INO80D: variants seen among roughly 807,000 people sequenced by gnomAD.
The protein encoded by INO80D is INO80 complex subunit D.
Under a neutral mutation model 87.6 loss-of-function variants are expected in INO80D, and 21 were observed. The observed-to-expected ratio is 0.24, with a 90% CI of 0.17 to 0.35. INO80D has a LOEUF of 0.35. INO80D is among the 10% of genes least tolerant of loss of function. The probability of loss-of-function intolerance (pLI) is 1.00; values close to 1 mark genes in which losing one functional copy is unlikely to be tolerated. For synonymous variants in INO80D, 440 were observed against 491.0 expected (o/e 0.90, Z 1.37); for missense variants, 982 against 1,280.7 (o/e 0.77, Z 3.56).
In INO80D at chr2:206,001,006, T is replaced by C. The variant is rs1160088221; in HGVS notation, c.*3362A>G. The C allele has an allele frequency of 6.6e-6, 1 of 152,206 alleles. No individual in the cohort carries two copies. Among genetic ancestry groups the C allele is most frequent in the African/African-American group, 2.4e-5 (1 of 41,452 alleles). 9.4% of individuals were successfully genotyped at this position (152,206 alleles called of 1,614,324 possible). A position where few individuals can be genotyped will look rare whatever the true frequency, so the allele number is the denominator to read the frequency against. ...CACCAGAGAAAATAATCCTTTGCTG[T>C]CTAAGCTATGTGACGATAATTAGAA... On this transcript the variant is annotated 3_prime_UTR_variant, in exon 11 of 11. Coordinates refer to ENST00000403263, the MANE Select transcript of INO80D (RefSeq NM_017759.5).
At chr2:206,021,412 A>C (rs1301246822) in intron 6 of INO80D, among the ~76,000 whole-genome samples, 1 of 152,252 alleles carries the variant, frequency 6.6e-6, no homozygotes, top group Non-Finnish European at 1.5e-5. Flanking sequence ...GATTATAAGA[A>C]TAGGGAAGTG....
At chr2:206,041,331 T>C (rs1308074774) in intron 5 of INO80D, among the ~76,000 whole-genome samples, 1 of 152,174 alleles carries the variant, frequency 6.6e-6, no homozygotes, top group Non-Finnish European at 1.5e-5. Flanking sequence ...TCACTTTAAA[T>C]ATAAAGATGC....
chr2:206,025,542 A>AAAAAAAAAAAAAATATAT (rs71301548), intron 6 of INO80D: 3 of 76,932 alleles, frequency 3.9e-5, no homozygotes, highest in African/African-American at 1.3e-4. Flanking sequence ...AAAAAAAAAA[A>AAAAAAAAAAAAAATATAT]ATATATATAT....
chr2:206,075,618 G>A (rs150920006), intron 1 of INO80D, among the ~76,000 whole-genome samples: 109 of 151,692 alleles, frequency 7.2e-4, no homozygotes, highest in African/African-American at 2.6e-3. Context: ...TGTATTTTTA[G>A]TAGACACGAG....
rs773197880 is a variant in INO80D at position 206,004,848 on chromosome 2, C to T, written c.2604G>A (p.Ala868=). Residue 868 remains alanine, a synonymous_variant, in exon 11 of 11, where the codon GCG becomes GCA. Transcript: ENST00000403263. This position sits in a 1 kb window ranked among gnomAD's most constrained non-coding sequence, Gnocchi z 4.9. ...CAAGTTGGGTTGGGAGCAAGTGCTG[C>T]GCCATGATGGGCATCTCTGCTGAAA... ...ATFSAEMPIM[A]QHLLPTQLEV... 119 of 1,613,982 alleles carry T rather than the reference C, an allele frequency of 7.4e-5. No individual in the cohort carries two copies. Among genetic ancestry groups the T allele is most frequent in the Middle Eastern group, 3.3e-4 (2 of 6,062 alleles).
rs2105787391 is a variant in INO80D at position 206,000,871 on chromosome 2, GATTAA to G, written c.*3492_*3496del. 6.6e-6 allele frequency: 1 copy of G among 152,272 alleles called. No individual in the cohort carries two copies. The highest frequency in any genetic ancestry group is 1.9e-4 in the East Asian group (1 of 5,184). The allele number at this position is 152,272 out of a possible 1,614,324, so 9.4% of individuals were successfully genotyped here. ...CTCCCCATGCCTACTATTTGTTTCT[GATTAA>G]ATTATAGTCTTCTCATAGAGGGGCA... On this transcript the variant is annotated 3_prime_UTR_variant, in exon 11 of 11. Coordinates refer to ENST00000403263, the MANE Select transcript of INO80D (RefSeq NM_017759.5).
At chr2:206,046,474 A>AG in intron 5 of INO80D, 30 bp downstream of exon 5, 2 of 1,471,412 alleles carry the variant, frequency 1.4e-6, no homozygotes, top group Non-Finnish European at 1.9e-6. Context: ...TCTCAAAAAA[A>AG]AAAGAATAAA....
At chr2:206,079,568 T>C (rs960716589) in intron 1 of INO80D, among the ~76,000 whole-genome samples, 3 of 152,200 alleles carry the variant, frequency 2.0e-5, no homozygotes, top group African/African-American at 7.2e-5. Context: ...CCTCTGCCAC[T>C]GCTACCTCCT....
At chr2:206,056,068 ACTGCACCACT>A (rs1386562661) in intron 4 of INO80D, 120 bp downstream of exon 4, 1 of 851,612 alleles carries the variant, frequency 1.2e-6, no homozygotes. Context: ...AGAATCTTTC[ACTGCACCACT>A]CTGCCTCATT....
rs1687802716 is a variant in INO80D at position 205,996,102 on chromosome 2, T to C, written c.*8266A>G. 1 of 152,092 alleles carries C rather than the reference T, an allele frequency of 6.6e-6. No homozygotes were observed. The highest frequency in any genetic ancestry group is 2.1e-4 in the South Asian group (1 of 4,830). The allele number at this position is 152,092 out of a possible 1,614,324, so 9.4% of individuals were successfully genotyped here. On this transcript the variant is annotated 3_prime_UTR_variant, in exon 11 of 11. Coordinates refer to ENST00000403263, the MANE Select transcript of INO80D (RefSeq NM_017759.5). ...TATTGAGCTAAAACTTTCAAATTTG[T>C]TTTATTTGAAGGTTGGCTTTCTGTT...
At chr2:206,024,538 G>C (rs1688551341) in intron 6 of INO80D, among the ~76,000 whole-genome samples, 1 of 151,942 alleles carries the variant, frequency 6.6e-6, no homozygotes, top group African/African-American at 2.4e-5. Flanking sequence ...TGGTATATTA[G>C]ATACTTCAAA....
chr2:206,021,061 C>G (rs573141254), intron 6 of INO80D, among the ~76,000 whole-genome samples: 11 of 151,948 alleles, frequency 7.2e-5, no homozygotes, highest in Non-Finnish European at 1.5e-4. Context: ...AGTACAAAAC[C>G]TATCCCATCT....
intron 6 of INO80D, among the ~76,000 whole-genome samples, chr2:206,023,710 A>G (rs914071325): frequency 6.6e-5 from 10 of 151,798 alleles, no homozygotes; most frequent in Non-Finnish European, 1.0e-4. Context: ...AAAGTTGCCA[A>G]TCACCAAAGA....
At chr2:206,070,724 G>A (rs918652128) in intron 1 of INO80D, among the ~76,000 whole-genome samples, 1 of 151,418 alleles carries the variant, frequency 6.6e-6, no homozygotes, top group African/African-American at 2.4e-5. Flanking sequence ...CAAAAAAAAA[G>A]AAAAAAGAAA....
At chr2:206,082,931 G>A (rs1177480434) in intron 1 of INO80D, among the ~76,000 whole-genome samples, 1 of 151,996 alleles carries the variant, frequency 6.6e-6, no homozygotes, top group African/African-American at 2.4e-5. Context: ...AGTTGGAATG[G>A]GATATACAAA....
intron 3 of INO80D, 66 bp from the exon 4 acceptor site, chr2:206,057,009 A>G: frequency 7.0e-7 from 1 of 1,422,346 alleles, no homozygotes; most frequent in East Asian, 2.4e-5. Flanking sequence ...AGAACATAAA[A>G]CTACATGAGA....
intron 8 of INO80D, among the ~76,000 whole-genome samples, chr2:206,014,157 CAAAAAA>C: frequency 7.8e-6 from 1 of 128,990 alleles, no homozygotes; most frequent in South Asian, 2.5e-4. Flanking sequence ...AACTCCATCT[CAAAAAA>C]AAAAAAAAAA....
rs1575806360 is a variant in INO80D at position 206,017,692 on chromosome 2, A to T, written c.1530T>A (p.His510Gln). 2 of 1,589,534 alleles carry T rather than the reference A, an allele frequency of 1.3e-6. No homozygotes were observed. Among genetic ancestry groups the T allele is most frequent in the Non-Finnish European group, 8.5e-7 (1 of 1,171,296 alleles). The part of the protein sequence containing the change: ...ITHQTPLCEE[H>Q]AKKMDNFLRG... The stretch of plus-strand genomic sequence containing the variant: ...TTGCAGAACTTACCATTTTTTTGGC[A>T]TGTTCTTCACACAGAGGTGTCTGAT... The change falls in exon 8 of 11, where the codon CAT (histidine) becomes CAA (glutamine). Residue 510 changes from histidine (H) to glutamine (Q), a missense_variant. His to Gln is a conservative substitution (Grantham distance 24). Coordinates refer to ENST00000403263, the MANE Select transcript of INO80D (RefSeq NM_017759.5).
At chr2:206,072,043 C>T (rs777670411) in intron 1 of INO80D, among the ~76,000 whole-genome samples, 198 of 152,236 alleles carry the variant, frequency 1.3e-3, no homozygotes, top group Non-Finnish European at 2.4e-3. Context: ...CTCAGCCCCA[C>T]CTCTCCTGCC....
Sources: gnomAD v4.1 joint callset for allele counts (sites outside exome capture counted in the v4.1 genomes callset) on GRCh38, gnomAD v4.1.1 for gene constraint, Gnocchi (gnomAD v3.1) non-coding constraint, MANE v1.5 for transcripts, NCBI Gene and HGNC (gene_info 2026-07-23, HGNC 2026-07-21) for gene names.